Variants in MED12L observed in about 807,000 individuals in gnomAD.
MED12L encodes the protein mediator complex subunit 12L, also known as mediator of RNA polymerase II transcription subunit 12-like protein.
In MED12L, 60 loss-of-function variants were observed where a neutral mutation model predicts 281.3. The ratio of observed to expected loss-of-function variants is 0.21; its 90% CI spans 0.17 to 0.26. MED12L has a LOEUF of 0.26. MED12L is among the 10% of genes least tolerant of loss of function. MED12L has a pLI of 1.00. For missense variants in MED12L, 2,146 were observed against 2,680.9 expected, an observed-to-expected ratio of 0.80 and a Z score of 4.41; for synonymous variants, 974 against 987.2, an observed-to-expected ratio of 0.99 and a Z score of 0.25.
chr3:151,283,049 T>C (rs147340745), intron 16 of MED12L, among the ~76,000 whole-genome samples: 8 of 152,364 alleles, frequency 5.3e-5, no homozygotes, highest in Admixed American at 2.0e-4. Flanking sequence ...TGGGACTTCA[T>C]TGGCAATTGT....
intron 16 of MED12L, among the ~76,000 whole-genome samples, chr3:151,229,986 T>C (rs1439010819): frequency 1.3e-5 from 2 of 152,032 alleles, no homozygotes; most frequent in Non-Finnish European, 2.9e-5. Flanking sequence ...GTTTTTGTTT[T>C]GGATATGGAG....
intron 16 of MED12L, among the ~76,000 whole-genome samples, chr3:151,247,962 C>T (rs376598867): frequency 7.2e-4 from 55 of 75,880 alleles, no homozygotes; most frequent in African/African-American, 1.8e-3. Context: ...TCTTCTTCTT[C>T]TTTTTTTTTT....
chr3:151,232,612 A>C (rs775298330), intron 16 of MED12L, among the ~76,000 whole-genome samples: 1 of 152,262 alleles, frequency 6.6e-6, no homozygotes, highest in Non-Finnish European at 1.5e-5. Flanking sequence ...CAGCCATAAA[A>C]AAAGAATGAG....
intron 16 of MED12L, chr3:151,338,066 G>A (rs1751266438): frequency 1.2e-6 from 2 of 1,613,928 alleles, no homozygotes; most frequent in South Asian, 1.1e-5. Context: ...TTTGGCTCAG[G>A]GTGTAAGGAA....
Position 151,187,514 on chromosome 3 carries a change from T to G in MED12L, c.1627-840T>G, listed in dbSNP as rs1415022915. Among the ~76,000 whole-genome samples the G allele has an allele frequency of 3.9e-5, 6 of 152,322 alleles. No individual in the cohort carries two copies. The East Asian group carries it at 1.2e-3, about 29-fold the overall frequency. On this transcript the variant is annotated intron_variant, in intron 12 of 44. Transcript: ENST00000687756. ...TGACCTTCACAAAGAGAAAATAGAT[T>G]GGAAAAATAATGATATTCTTAACAT...
intron 13 of MED12L, among the ~76,000 whole-genome samples, chr3:151,189,569 C>G (rs1465030534): frequency 1.3e-5 from 2 of 152,206 alleles, no homozygotes; most frequent in Non-Finnish European, 2.9e-5. Flanking sequence ...TTTGCTAGTT[C>G]ATCTCATTTA....
intron 16 of MED12L, among the ~76,000 whole-genome samples, chr3:151,348,340 CAAAAAAAAAAAAAA>C (rs11382065): frequency 3.4e-5 from 3 of 87,820 alleles, no homozygotes; most frequent in East Asian, 3.2e-4. Context: ...ACCACCAGAC[CAAAAAAAAAAAAAA>C]AAAAAAAAAG....
intron 2 of MED12L, among the ~76,000 whole-genome samples, chr3:151,106,342 C>T (rs990561232): frequency 8.1e-6 from 1 of 123,452 alleles, no homozygotes; most frequent in African/African-American, 3.2e-5. Flanking sequence ...CCCTCCCCTC[C>T]CCTTTCCTTT....
intron 16 of MED12L, among the ~76,000 whole-genome samples, chr3:151,241,044 G>C (rs139131480): frequency 2.0e-5 from 3 of 151,886 alleles, no homozygotes; most frequent in Non-Finnish European, 4.4e-5. Flanking sequence ...CTGTGTAAAG[G>C]CTTTAAAAAC....
intron 16 of MED12L, among the ~76,000 whole-genome samples, chr3:151,222,479 G>A (rs1018591463): frequency 4.6e-5 from 7 of 152,132 alleles, no homozygotes; most frequent in African/African-American, 1.7e-4. Flanking sequence ...TGAATTATGG[G>A]AGTAGATCTT....
At chr3:151,321,738 G>A (rs1334804493) in intron 16 of MED12L, among the ~76,000 whole-genome samples, 1 of 152,094 alleles carries the variant, frequency 6.6e-6, no homozygotes, top group African/African-American at 2.4e-5. Flanking sequence ...AATTTTTAAA[G>A]AACTAGTTTA....
intron 27 of MED12L, 114 bp from the exon 28 acceptor site, chr3:151,375,912 T>A: frequency 1.7e-6 from 1 of 584,708 alleles, no homozygotes; most frequent in Non-Finnish European, 2.6e-6. Flanking sequence ...ATTTTTTAAA[T>A]TGGAAAATTC....
chr3:151,304,591 T>G (rs1746388289), intron 16 of MED12L, among the ~76,000 whole-genome samples: 1 of 109,174 alleles, frequency 9.2e-6, no homozygotes, highest in Admixed American at 8.8e-5. Context: ...TTTTCCAGCT[T>G]GGATTAAAAA....
intron 3 of MED12L, among the ~76,000 whole-genome samples, chr3:151,120,056 TAAA>T (rs35163584): frequency 7.6e-5 from 9 of 118,340 alleles, no homozygotes; most frequent in African/African-American, 9.7e-5. Flanking sequence ...CTGTCTCTAC[TAAA>T]AAAAAAAAAA....
chr3:151,091,400 G>T (rs1720031641), intron 2 of MED12L, among the ~76,000 whole-genome samples: 1 of 152,214 alleles, frequency 6.6e-6, no homozygotes, highest in Admixed American at 6.5e-5. Flanking sequence ...GTAGGTCTGA[G>T]GTCAGGCCTC....
At chr3:151,244,863 G>A (rs1002947772) in intron 16 of MED12L, among the ~76,000 whole-genome samples, 3 of 152,080 alleles carry the variant, frequency 2.0e-5, no homozygotes, top group Non-Finnish European at 4.4e-5. Context: ...AAAATTGATA[G>A]ACCGCTAGCA....
chr3:151,428,165 A>G (rs935115925), intron 43 of MED12L, among the ~76,000 whole-genome samples: 1 of 152,228 alleles, frequency 6.6e-6, no homozygotes, highest in Non-Finnish European at 1.5e-5. Flanking sequence ...TCCAAAGCAC[A>G]TATCTGTCTT....
intron 16 of MED12L, among the ~76,000 whole-genome samples, chr3:151,201,881 TAATG>T (rs545420443): frequency 9.5e-4 from 145 of 152,352 alleles, no homozygotes; most frequent in Middle Eastern, 3.4e-3. Flanking sequence ...TATTACATAA[TAATG>T]GTAACATAAT....
chr3:151,091,220 G>A (rs1720001450), intron 2 of MED12L, among the ~76,000 whole-genome samples: 2 of 152,178 alleles, frequency 1.3e-5, no homozygotes, highest in Non-Finnish European at 2.9e-5. Context: ...TAATGGCCTG[G>A]TGTGCAGTGC....
Sources: allele counts gnomAD v4.1 joint callset (sites outside exome capture counted in the v4.1 genomes callset), GRCh38; gene constraint gnomAD v4.1.1; transcripts MANE v1.5; gene names NCBI Gene and HGNC (gene_info 2026-07-23, HGNC 2026-07-21).